Variants in TBXAS1 observed in about 807,000 individuals in gnomAD.
TBXAS1 encodes the protein thromboxane-A synthase.
In TBXAS1, 48 loss-of-function variants were observed where a neutral mutation model predicts 60.7. The ratio of observed to expected loss-of-function variants is 0.79; its 90% CI spans 0.63 to 1.01. TBXAS1 has a LOEUF of 1.01. TBXAS1 is among the 50% of genes least tolerant of loss of function. The probability of loss-of-function intolerance (pLI) is 0.00; values close to 1 mark genes in which losing one functional copy is unlikely to be tolerated. For synonymous variants in TBXAS1, 287 were observed against 269.7 expected (o/e 1.06, Z -0.63); for missense variants, 685 against 686.3 (o/e 1.00, Z 0.02).
intron 9 of TBXAS1, among the ~76,000 whole-genome samples, chr7:139,964,376 C>T (rs552117473): frequency 1.6e-4 from 25 of 152,168 alleles, no homozygotes; most frequent in Non-Finnish European, 2.4e-4. Flanking sequence ...TAAGCCACCA[C>T]GATTGGCCTG....
chr7:139,857,028 T>C (rs1023282726), intron 1 of TBXAS1, among the ~76,000 whole-genome samples: 5 of 152,220 alleles, frequency 3.3e-5, no homozygotes, highest in Non-Finnish European at 7.3e-5. Flanking sequence ...CATCCCATCA[T>C]GGCCAAGAAC....
intron 9 of TBXAS1, 136 bp from the exon 10 acceptor site, chr7:140,006,955 C>A: frequency 1.1e-6 from 1 of 874,376 alleles, no homozygotes; most frequent in East Asian, 2.4e-5. Context: ...TGGGTCATAC[C>A]GACTTTCCAT....
Position 139,951,925 on chromosome 7 carries a change from G to GAA in TBXAS1, c.451-1441_451-1440dup, listed in dbSNP as rs1414276354. ...AAAGAAAGAGAAAGAAAGAGAGAAA[G>GAA]AAAGAGAGAAAGAAGGAAAGAAAGA... On this transcript the variant is annotated intron_variant, in intron 5 of 12. Coordinates refer to ENST00000448866, the MANE Select transcript of TBXAS1 (RefSeq NM_001061.7). Among the ~76,000 whole-genome samples the GAA allele has an allele frequency of 3.7e-4, 30 of 81,956 alleles. 2 individuals are homozygous for GAA. Among genetic ancestry groups the GAA allele is most frequent in the Non-Finnish European group, 5.0e-4 (20 of 39,812 alleles). The allele number at this position is 81,956 out of a possible 152,430, so 53.8% of individuals were successfully genotyped here.
At chr7:139,807,947 C>G (rs1309021998) in intron 4 of TBXAS1, among the ~76,000 whole-genome samples, 1 of 152,184 alleles carries the variant, frequency 6.6e-6, no homozygotes, top group Non-Finnish European at 1.5e-5. Flanking sequence ...TCTCAAACTA[C>G]TAACATGACT....
chr7:139,884,850 T>C (rs1802959789), intron 3 of TBXAS1, among the ~76,000 whole-genome samples: 1 of 152,198 alleles, frequency 6.6e-6, no homozygotes, highest in Non-Finnish European at 1.5e-5. Flanking sequence ...GCTCTGAGGA[T>C]GAACCAGGAA....
At chr7:139,840,802 G>A (rs2107900) in intron 1 of TBXAS1, among the ~76,000 whole-genome samples, 96,701 of 152,026 alleles carry the variant, frequency 0.64, 31,742 homozygotes, top group East Asian at 0.92. Flanking sequence ...AAGAAAATGA[G>A]TACTACTCAC....
chr7:139,917,022 A>G (rs1369036265), intron 4 of TBXAS1, among the ~76,000 whole-genome samples: 3 of 152,336 alleles, frequency 2.0e-5, no homozygotes, highest in South Asian at 2.1e-4. Flanking sequence ...ATGTTCAAAC[A>G]TGTGCATCAA....
At chr7:139,965,510 C>A (rs989921783) in intron 9 of TBXAS1, among the ~76,000 whole-genome samples, 1 of 152,122 alleles carries the variant, frequency 6.6e-6, no homozygotes, top group Non-Finnish European at 1.5e-5. Context: ...TCTTGGCTCA[C>A]AGCAAACTCC....
chr7:139,894,213 A>C (rs1050561905), intron 3 of TBXAS1, among the ~76,000 whole-genome samples: 4 of 152,076 alleles, frequency 2.6e-5, no homozygotes, highest in African/African-American at 9.7e-5. Context: ...CACGCACCAC[A>C]CCATTGCTGC....
intron 6 of TBXAS1, 139 bp from the exon 7 acceptor site, chr7:139,955,320 C>A: frequency 8.8e-7 from 1 of 1,135,056 alleles, no homozygotes; most frequent in Non-Finnish European, 1.3e-6. Flanking sequence ...CCCAGATCTG[C>A]AGAAGCTCCT....
rs1306740574 is a variant in TBXAS1 at position 139,909,068 on chromosome 7, C to T, written c.237-2157C>T. Among the ~76,000 whole-genome samples, 8 of 152,204 alleles carry T rather than the reference C, an allele frequency of 5.3e-5. No individual in the cohort carries two copies. In the South Asian group the frequency reaches 1.7e-3, roughly 32 times the overall value. On this transcript the variant is annotated intron_variant, in intron 3 of 12. Transcript: ENST00000448866. ...GAACTGGTGTTCCCTATAGATAATA[C>T]ATTATTTCTCTCTGGCTGTTTTCAA...
chr7:139,809,606 C>G lies in TBXAS1; in HGVS notation c.-79-19706C>G, dbSNP rs75350809. On this transcript the variant is annotated intron_variant, in intron 4 of 16. Coordinates refer to the TBXAS1 transcript ENST00000336425. ...AACCAGGGGAGCTCATGCTGTAACT[C>G]TCAGTCCGAGGCTGAAGGCTTGAGA... Among the ~76,000 whole-genome samples, 360 of 152,292 alleles carry G rather than the reference C, an allele frequency of 2.4e-3. 4 individuals carry two copies. Among genetic ancestry groups the G allele is most frequent in the Middle Eastern group, 0.014 (4 of 294 alleles).
intron 4 of TBXAS1, among the ~76,000 whole-genome samples, chr7:139,805,690 CTT>C (rs1256684578): frequency 1.8e-4 from 5 of 28,308 alleles, no homozygotes; most frequent in East Asian, 2.6e-3. Context: ...TTCTTTCTTT[CTT>C]TCTTTCTTTC....
At chr7:139,939,990 G>A (rs975514997) in intron 5 of TBXAS1, among the ~76,000 whole-genome samples, 6 of 152,184 alleles carry the variant, frequency 3.9e-5, no homozygotes, top group African/African-American at 7.2e-5. Flanking sequence ...TAATTTTCCC[G>A]CACCCGCGGA....
intron 3 of TBXAS1, among the ~76,000 whole-genome samples, chr7:139,893,879 C>T (rs1311750826): frequency 2.0e-5 from 3 of 152,186 alleles, no homozygotes; most frequent in African/African-American, 7.2e-5. Flanking sequence ...GGAGGTTTAT[C>T]ATTACAGGTT....
chr7:139,912,851 G>C (rs185952596), intron 4 of TBXAS1, among the ~76,000 whole-genome samples: 220 of 152,284 alleles, frequency 1.4e-3, no homozygotes, highest in Middle Eastern at 6.8e-3. Flanking sequence ...CTATTTTATA[G>C]ACAAAGAAAC....
rs190935599 is a variant in TBXAS1, at chr7:140,006,974, G to T, written c.1135-117G>T. The T allele has an allele frequency of 3.6e-4, 364 of 1,007,812 alleles. 1 individual carries two copies. In the African/African-American group the frequency reaches 4.8e-3, roughly 13 times the overall value. The allele number at this position is 1,007,812 out of a possible 1,614,324, so 62.4% of individuals were successfully genotyped here. A position where few individuals can be genotyped will look rare whatever the true frequency, so the allele number is the denominator to read the frequency against. On this transcript the variant is annotated intron_variant, in intron 9 of 12. Coordinates refer to ENST00000448866, the MANE Select transcript of TBXAS1 (RefSeq NM_001061.7). Reference sequence around the variant, plus strand: ...TCATACCGACTTTCCATTTTGTGGGGTTTCTGTTTAAATGTTTGCCAAAGT... The same window carrying T: ...TCATACCGACTTTCCATTTTGTGGGTTTTCTGTTTAAATGTTTGCCAAAGT...
chr7:139,954,009 T>C (rs1388245347), intron 6 of TBXAS1, among the ~76,000 whole-genome samples: 1 of 152,184 alleles, frequency 6.6e-6, no homozygotes, highest in African/African-American at 2.4e-5. Context: ...TTGTGAGTTT[T>C]TTTGCAGTTT....
chr7:139,911,139 C>T (rs1200957424), intron 3 of TBXAS1, 86 bp from the exon 4 acceptor site: 5 of 1,138,868 alleles, frequency 4.4e-6, no homozygotes, highest in Admixed American at 1.7e-5. Flanking sequence ...ATCTTTTATC[C>T]CTCATTCTAA....
Sources: allele counts gnomAD v4.1 joint callset (sites outside exome capture counted in the v4.1 genomes callset), GRCh38; gene constraint gnomAD v4.1.1; transcripts MANE v1.5; gene names NCBI Gene and HGNC (gene_info 2026-07-23, HGNC 2026-07-21).